The following CD36 variants were observed in gnomAD, a reference collection of about 807,000 sequenced individuals.
The protein encoded by CD36 is platelet glycoprotein 4.
Under a neutral mutation model 55.2 loss-of-function variants are expected in CD36, and 119 were observed. That is an observed-to-expected ratio of 2.15 (90% CI 1.86 to 2.51). The LOEUF is 2.51. Ranked by LOEUF, CD36 falls within the 30% of genes most tolerant of loss-of-function variation. CD36 has a pLI of 0.00. For missense variants in CD36, 819 were observed against 555.5 expected (o/e 1.47, Z -4.77); for synonymous variants, 186 against 193.6 (o/e 0.96, Z 0.33).
chr7:80,673,709 G>GA (rs1797957553), intron 13 of CD36: 5 of 559,222 alleles, frequency 8.9e-6, no homozygotes, highest in African/African-American at 1.9e-5. Context: ...ATAAAAATAG[G>GA]AAAAACATTG....
intron 5 of CD36, among the ~76,000 whole-genome samples, chr7:80,661,687 A>G (rs1378074425): frequency 6.9e-6 from 1 of 145,754 alleles, no homozygotes; most frequent in Non-Finnish European, 1.5e-5. Context: ...CCAAACAAAA[A>G]CAAACAAACA....
At chr7:80,648,455 G>T (rs898136506) in intron 3 of CD36, among the ~76,000 whole-genome samples, 6 of 151,910 alleles carry the variant, frequency 3.9e-5, no homozygotes, top group Non-Finnish European at 8.8e-5. Flanking sequence ...TCTTTGTCAT[G>T]CAACAAAACT....
At chr7:80,642,097 A>G (rs936167190) in intron 1 of CD36, among the ~76,000 whole-genome samples, 10 of 152,164 alleles carry the variant, frequency 6.6e-5, no homozygotes, top group South Asian at 2.1e-4. Flanking sequence ...AAGGCATGTA[A>G]TTAGTTGCCT....
At chr7:80,648,385 CT>C (rs924722300) in intron 3 of CD36, among the ~76,000 whole-genome samples, 2 of 151,858 alleles carry the variant, frequency 1.3e-5, no homozygotes, top group African/African-American at 2.4e-5. Context: ...ATTTAGACTA[CT>C]TTTTTTTGCT....
At chr7:80,634,088 G>T (rs1174635320), upstream of CD36, among the ~76,000 whole-genome samples, 1 of 151,930 alleles carries the variant, frequency 6.6e-6, no homozygotes, top group Non-Finnish European at 1.5e-5. Flanking sequence ...AAGAGTATAG[G>T]CCCTTCAGTC....
chr7:80,663,663 A>G (rs1796741999), intron 6 of CD36, among the ~76,000 whole-genome samples: 1 of 152,146 alleles, frequency 6.6e-6, no homozygotes, highest in Non-Finnish European at 1.5e-5. Context: ...TGTAAATAAG[A>G]ATTTTTAGTA....
intron 13 of CD36, chr7:80,673,739 T>C: frequency 3.5e-6 from 2 of 573,826 alleles, no homozygotes; most frequent in Non-Finnish European, 3.1e-6. Flanking sequence ...TTGGAGCAAA[T>C]GAAACTGTTG....
intron 1 of CD36, among the ~76,000 whole-genome samples, chr7:80,621,627 G>A (rs1793475978): frequency 6.6e-6 from 1 of 151,874 alleles, no homozygotes; most frequent in East Asian, 1.9e-4. Context: ...ATAATTTAAA[G>A]GTCATTTATA....
At position 80,665,199 on chromosome 7, in the gene CD36, C is replaced by CTT. The variant is rs57384753; in HGVS notation, c.701+712_701+713dup. ...AATCAGCTTCCTAAGCCATTATTTC[C>CTT]TTTTTTTTTTTCTAGCTCCAGCCTA... is the stretch of plus-strand genomic sequence containing the variant. On this transcript the variant is annotated intron_variant, in intron 7 of 14. Coordinates refer to ENST00000447544, the MANE Select transcript of CD36 (RefSeq NM_001001548.3). 4.4e-3 allele frequency among the ~76,000 whole-genome samples: 641 copies of CTT among 146,396 alleles called. 6 individuals are homozygous for CTT. The highest frequency in any genetic ancestry group is 0.015 in the African/African-American group (603 of 40,334).
chr7:80,654,311 G>A (rs1795852146), intron 3 of CD36, among the ~76,000 whole-genome samples: 1 of 152,090 alleles, frequency 6.6e-6, no homozygotes, highest in Non-Finnish European at 1.5e-5. Flanking sequence ...CGGTACAAAA[G>A]TAATTGTGAT....
chr7:80,671,004 C>G lies in CD36; in HGVS notation c.846C>G (p.Asp282Glu). Residue 282 changes from aspartate (D) to glutamate (E), a missense_variant, in exon 10 of 15, where the codon GAC (aspartate) becomes GAG (glutamate). By Grantham distance (45) the Asp-to-Glu change is conservative. Transcript: ENST00000447544. ...CRSIYAVFES[D>E]VNLKGIPVYR... ...CAATCTATGCTGTATTTGAATCCGA[C>G]GTTAATCTGAAAGGAATCCCTGTGT... 6.2e-7 allele frequency: 1 copy of G among 1,613,218 alleles called. No homozygotes were observed. Among genetic ancestry groups the G allele is most frequent in the Non-Finnish European group, 8.5e-7 (1 of 1,179,286 alleles).
chr7:80,632,449 C>T (rs1349464504), intron 1 of CD36, among the ~76,000 whole-genome samples: 1 of 152,006 alleles, frequency 6.6e-6, no homozygotes, highest in Non-Finnish European at 1.5e-5. Flanking sequence ...ATATGTATTT[C>T]AGTCTTTTAG....
chr7:80,607,972 G>T (rs1225860895), intron 1 of CD36, among the ~76,000 whole-genome samples: 1 of 152,032 alleles, frequency 6.6e-6, no homozygotes, highest in Non-Finnish European at 1.5e-5. Flanking sequence ...GGGTTTCACT[G>T]TGTTAGCCCG....
rs370851852 is a variant in CD36, at chr7:80,671,989, T to A, written c.1074T>A (p.Asp358Glu). The change falls in exon 11 of 15, where the codon GAT becomes GAA. Residue 358 changes from aspartate (D) to glutamate (E), a missense_variant. Physicochemically the swap from Asp to Glu is conservative, Grantham distance 45. Transcript: ENST00000447544. ...YASPDVSEPI[D>E]GLNPNEEEHR... is the part of the protein sequence containing the mutation. ...GTCCTGATGTTTCAGAACCTATTGA[T>A]GGATTAAACCCAAATGAAGAAGAAC... 8 of 1,609,092 alleles carry A rather than the reference T, an allele frequency of 5.0e-6. No individual in the cohort carries two copies. Among genetic ancestry groups the A allele is most frequent in the Non-Finnish European group, 6.8e-6 (8 of 1,176,126 alleles).
At chr7:80,623,414 T>A (rs1022256988) in intron 1 of CD36, among the ~76,000 whole-genome samples, 1 of 152,202 alleles carries the variant, frequency 6.6e-6, no homozygotes, top group African/African-American at 2.4e-5. Context: ...TGTGAGTGTA[T>A]GAGGATGTAT....
intron 1 of CD36, among the ~76,000 whole-genome samples, chr7:80,604,877 C>T (rs73150424): frequency 0.011 from 1,643 of 152,036 alleles, 16 homozygotes; most frequent in Non-Finnish European, 0.017. Context: ...TCATGTTTTA[C>T]GACCATGACT....
chr7:80,605,853 GACAAAGAATT>G (rs1360915437), intron 1 of CD36, among the ~76,000 whole-genome samples: 15 of 152,128 alleles, frequency 9.9e-5, no homozygotes, highest in African/African-American at 3.6e-4. Flanking sequence ...CAGATGCATA[GACAAAGAATT>G]ACAGTGCAGA....
intron 1 of CD36, among the ~76,000 whole-genome samples, chr7:80,614,597 GCTT>G (rs1562770726): frequency 6.6e-6 from 1 of 151,928 alleles, no homozygotes. Flanking sequence ...CTTAATCTTT[GCTT>G]CTTCTTCGCG....
At chr7:80,651,479 T>C (rs965658410) in intron 3 of CD36, among the ~76,000 whole-genome samples, 1 of 152,208 alleles carries the variant, frequency 6.6e-6, no homozygotes, top group Non-Finnish European at 1.5e-5. Flanking sequence ...TCTTTGTTCC[T>C]GTTAGAGAAC....
Sources: allele counts gnomAD v4.1 joint callset (sites outside exome capture counted in the v4.1 genomes callset), GRCh38; gene constraint gnomAD v4.1.1; transcripts MANE v1.5; gene names NCBI Gene and HGNC (gene_info 2026-07-23, HGNC 2026-07-21).